The following RUNX1T1 variants were observed in gnomAD, a reference collection of about 807,000 sequenced individuals.
RUNX1T1 encodes the protein protein CBFA2T1.
In RUNX1T1, 4 loss-of-function variants were observed where a neutral mutation model predicts 62.8. That is an observed-to-expected ratio of 0.06 (90% CI 0.03 to 0.15). RUNX1T1 has a LOEUF of 0.15. Among genes scored for constraint, RUNX1T1 ranks in the 10% least tolerant of loss-of-function variants. The probability of loss-of-function intolerance (pLI) is 1.00; values close to 1 mark genes in which losing one functional copy is unlikely to be tolerated. For missense variants in RUNX1T1, 508 were observed against 754.3 expected, an observed-to-expected ratio of 0.67 and a Z score of 3.82; for synonymous variants, 291 against 286.0, an observed-to-expected ratio of 1.02 and a Z score of -0.18.
At chr8:92,092,785 T>C (rs1456126380) in intron 1 of RUNX1T1, among the ~76,000 whole-genome samples, 1 of 152,210 alleles carries the variant, frequency 6.6e-6, no homozygotes, top group African/African-American at 2.4e-5. Flanking sequence ...ACCATTTATC[T>C]GCTGAGGATA....
At chr8:91,988,436 TG>T (rs1440554772) in intron 6 of RUNX1T1, among the ~76,000 whole-genome samples, 1 of 152,198 alleles carries the variant, frequency 6.6e-6, no homozygotes, top group Admixed American at 6.5e-5. Context: ...ATTTAGCTAC[TG>T]CTCTGTTGTG....
upstream of RUNX1T1, among the ~76,000 whole-genome samples, chr8:92,100,687 C>CA (rs1439203025): frequency 1.3e-5 from 2 of 151,594 alleles, no homozygotes; most frequent in South Asian, 4.2e-4. Context: ...CTGAAACAAA[C>CA]AAAAAAATCA....
intron 1 of RUNX1T1, among the ~76,000 whole-genome samples, chr8:92,084,331 G>T (rs1835761656): frequency 6.6e-6 from 1 of 152,038 alleles, no homozygotes; most frequent in Non-Finnish European, 1.5e-5. Context: ...TTGTTTTATT[G>T]TATGTTTTTT....
chr8:92,064,687 A>C (rs1832602157), upstream of RUNX1T1, among the ~76,000 whole-genome samples: 1 of 152,162 alleles, frequency 6.6e-6, no homozygotes, highest in Non-Finnish European at 1.5e-5. Context: ...CCAACCTTTC[A>C]TCAATATGCA....
intron 9 of RUNX1T1, among the ~76,000 whole-genome samples, chr8:91,972,917 T>TA (rs1478956188): frequency 1.1e-4 from 17 of 152,212 alleles, no homozygotes; most frequent in African/African-American, 3.4e-4. Context: ...TCCAGTTTCA[T>TA]AAAGACCTTT....
At chr8:92,082,911 G>C (rs1312525677) in intron 1 of RUNX1T1, among the ~76,000 whole-genome samples, 2 of 152,112 alleles carry the variant, frequency 1.3e-5, no homozygotes, top group South Asian at 4.1e-4. Context: ...AAGGAGGAGG[G>C]AGAGAAGGAA....
At chr8:92,045,650 C>T (rs896389548) in intron 1 of RUNX1T1, among the ~76,000 whole-genome samples, 1 of 152,094 alleles carries the variant, frequency 6.6e-6, no homozygotes, top group Admixed American at 6.6e-5. Context: ...TTGGAACCTG[C>T]GCTACCTCTT....
exon 11 of RUNX1T1, chr8:91,959,156 TA>T (rs1181927622): frequency 2.8e-5 from 6 of 214,210 alleles, no homozygotes; most frequent in Non-Finnish European, 5.6e-5. Flanking sequence ...AGAAGTGTTT[TA>T]ACACCAAGAG....
chr8:92,028,190 G>A (rs891277597), intron 1 of RUNX1T1, among the ~76,000 whole-genome samples: 1 of 141,146 alleles, frequency 7.1e-6, no homozygotes, highest in South Asian at 2.3e-4. Flanking sequence ...AGACATATTA[G>A]TAATTCTTTT....
chr8:91,986,264 C>T (rs1242643618), exon 8 of RUNX1T1: 5 of 1,613,896 alleles, frequency 3.1e-6, no homozygotes, highest in East Asian at 2.2e-5. Context: ...TTCTTGACAC[C>T]GCCTTAGTAC....
At chr8:91,991,720 C>T in exon 6 of RUNX1T1, 1 of 1,614,126 alleles carries the variant, frequency 6.2e-7, no homozygotes, top group East Asian at 2.2e-5. Context: ...ATGGCCATAT[C>T]ATCCAAACGG....
At chr8:92,060,556 T>A (rs1831847960) in intron 1 of RUNX1T1, among the ~76,000 whole-genome samples, 1 of 128,510 alleles carries the variant, frequency 7.8e-6, no homozygotes, top group South Asian at 2.5e-4. Flanking sequence ...TATATATATG[T>A]GTGTGTGTGT....
At chr8:91,963,646 C>T (rs1810999415) in intron 10 of RUNX1T1, among the ~76,000 whole-genome samples, 1 of 152,182 alleles carries the variant, frequency 6.6e-6, no homozygotes, top group Non-Finnish European at 1.5e-5. Flanking sequence ...CAATTTGGAT[C>T]ATTCTAAGCT....
chr8:92,010,908 C>A, intron 4 of RUNX1T1, 94 bp downstream of exon 5: 1 of 677,808 alleles, frequency 1.5e-6, no homozygotes, highest in South Asian at 1.9e-5. Flanking sequence ...TAAATTAAAT[C>A]AAAGAGCCCC....
downstream of RUNX1T1, chr8:91,958,335 C>T (rs770307606): frequency 2.6e-5 from 5 of 195,990 alleles, no homozygotes; most frequent in Non-Finnish European, 5.3e-5. Flanking sequence ...CTATACCTTG[C>T]TGAACATGTT....
chr8:92,102,871 G>C (rs1055993744), upstream of RUNX1T1: 448 of 1,521,864 alleles, frequency 2.9e-4, no homozygotes, highest in Non-Finnish European at 3.8e-4. This position sits in a 1 kb window ranked among gnomAD's most constrained non-coding sequence, Gnocchi z 4.5. Context: ...CACAGGGCCG[G>C]AGAGTCCCAC....
chr8:92,030,245 T>C (rs1292255834), intron 1 of RUNX1T1, among the ~76,000 whole-genome samples: 1 of 152,150 alleles, frequency 6.6e-6, no homozygotes, highest in African/African-American at 2.4e-5. Flanking sequence ...TCTGTTTTTG[T>C]AGAGCTTACC....
chr8:92,077,699 C>A (rs1225264299), intron 1 of RUNX1T1, among the ~76,000 whole-genome samples: 1 of 152,072 alleles, frequency 6.6e-6, no homozygotes, highest in African/African-American at 2.4e-5. Context: ...GAGAGCCTGA[C>A]AAAAGTGGAT....
upstream of RUNX1T1, among the ~76,000 whole-genome samples, chr8:92,063,283 G>A (rs2130626183): frequency 6.6e-6 from 1 of 152,248 alleles, no homozygotes. Flanking sequence ...TTTAGAAGCT[G>A]AGCCGACCAC....
Sources: allele counts gnomAD v4.1 joint callset (sites outside exome capture counted in the v4.1 genomes callset), GRCh38; gene constraint gnomAD v4.1.1; non-coding constraint Gnocchi (gnomAD v3.1); transcripts MANE v1.5; gene names NCBI Gene and HGNC (gene_info 2026-07-23, HGNC 2026-07-21).